Variants in NPHP3 observed in about 807,000 individuals in gnomAD.
NPHP3 encodes nephrocystin 3, also known as nephrocystin-3.
NPHP3 carries 123 observed loss-of-function variants against 171.9 expected under a neutral mutation model. The ratio of observed to expected loss-of-function variants is 0.72; its 90% CI spans 0.62 to 0.83. The LOEUF is 0.83. Ranked by LOEUF, NPHP3 falls within the 40% of genes least tolerant of loss-of-function variation. The pLI is 0.00. For missense variants in NPHP3, 1,506 were observed against 1,591.9 expected, an observed-to-expected ratio of 0.95 and a Z score of 0.92; for synonymous variants, 558 against 579.2, an observed-to-expected ratio of 0.96 and a Z score of 0.52.
chr3:132,685,876 C>G (rs917156915), intron 23 of NPHP3: 2 of 257,498 alleles, frequency 7.8e-6, no homozygotes, highest in Admixed American at 9.9e-5. Context: ...ACAGTGAAAC[C>G]CTGTCTCTAC....
In NPHP3 at chr3:132,719,715, C is replaced by G. The variant is rs1197867314; in HGVS notation, c.509G>C (p.Arg170Thr). The change falls in exon 2 of 27, where the codon AGG becomes ACG. Residue 170 changes from arginine to threonine, a missense_variant. Coordinates refer to ENST00000337331, the MANE Select transcript of NPHP3 (RefSeq NM_153240.5). ...ATGTAAGGAATTTACCTTGAATTGC[C>G]TTTTAACTTTATCTCTGTCATGTTC... ...TFEHDRDKVK[R>T]QFKIFRETKE... The G allele has an allele frequency of 6.4e-7, 1 of 1,556,320 alleles. No individual in the cohort carries two copies. The highest frequency in any genetic ancestry group is 1.3e-5 in the South Asian group (1 of 79,326).
intron 6 of NPHP3, among the ~76,000 whole-genome samples, chr3:132,711,056 C>T (rs983099925): frequency 4.6e-5 from 7 of 152,246 alleles, no homozygotes; most frequent in East Asian, 1.9e-4. Flanking sequence ...ATACCATCTG[C>T]ACACAGGGAA....
chr3:132,696,197 C>T (rs1189187609), intron 15 of NPHP3, among the ~76,000 whole-genome samples: 1 of 151,208 alleles, frequency 6.6e-6, no homozygotes, highest in Non-Finnish European at 1.5e-5. Flanking sequence ...AGTAGTAAAA[C>T]ATTCTAACGG....
chr3:132,706,671 T>C (rs1435429701), intron 7 of NPHP3, among the ~76,000 whole-genome samples: 1 of 152,172 alleles, frequency 6.6e-6, no homozygotes, highest in African/African-American at 2.4e-5. Context: ...TGAACAAGCA[T>C]GGAGATTTAC....
At chr3:132,700,485 A>C in intron 10 of NPHP3, 37 bp from the exon 11 acceptor site, 1 of 1,279,826 alleles carries the variant, frequency 7.8e-7, no homozygotes, top group East Asian at 2.3e-5. Flanking sequence ...AAAACCGATA[A>C]AGTTCCTTGA....
chr3:132,681,608 T>G lies in NPHP3; in HGVS notation c.*302A>C. On this transcript the variant is annotated 3_prime_UTR_variant, in exon 27 of 27. Transcript: ENST00000337331. ...TTTGAACTCCTTGTCTTAACTACTC[T>G]GCCAGCTCTTGTTGAACAAAGACCA... 2.8e-6 allele frequency: 1 copy of G among 354,070 alleles called. No individual in the cohort carries two copies. The allele number at this position is 354,070 out of a possible 1,614,324, so 21.9% of individuals were successfully genotyped here. A position where few individuals can be genotyped will look rare whatever the true frequency, so the allele number is the denominator to read the frequency against.
Position 132,708,205 on chromosome 3 carries a change from G to GT in NPHP3, c.1170dup (p.Pro391ThrfsTer16). The GT allele has an allele frequency of 6.2e-7, 1 of 1,614,030 alleles. No homozygotes were observed. The highest frequency in any genetic ancestry group is 8.5e-7 in the Non-Finnish European group (1 of 1,179,894). On this transcript the variant is annotated frameshift_variant, in exon 7 of 27. Coordinates refer to ENST00000337331, the MANE Select transcript of NPHP3 (RefSeq NM_153240.5). LOFTEE classifies it high-confidence loss of function. ...TCCAAACGATGAAAGATTAATCGAG[G>GT]TTTTCCTTCAGGGTTTTTCAGAAAA...
intron 10 of NPHP3, 89 bp downstream of exon 10, chr3:132,701,341 C>T (rs749903151): frequency 1.4e-4 from 119 of 875,574 alleles, no homozygotes; most frequent in Non-Finnish European, 1.8e-4. Flanking sequence ...GTGTAGGCCG[C>T]GCAGGAAGGC....
chr3:132,719,035 G>A lies in NPHP3; in HGVS notation c.629C>T (p.Pro210Leu). 6.2e-7 allele frequency: 1 copy of A among 1,614,050 alleles called. No homozygotes were observed. Among genetic ancestry groups the A allele is most frequent in the Non-Finnish European group, 8.5e-7 (1 of 1,179,988 alleles). Reference protein sequence around the residue: ...LQAQGIQVFDPGESDSDDNCT... With the variant: ...LQAQGIQVFDLGESDSDDNCT... ...GTTGTCATCTGAATCAGACTCCCCA[G>A]GATCAAATACTTGGATACCCTGAGC... The change falls in exon 3 of 27, where the codon CCT (proline) becomes CTT (leucine). Residue 210 changes from proline (P) to leucine (L), a missense_variant. Pro to Leu is a moderately conservative substitution (Grantham distance 98). This residue lies in a region of NPHP3 where 930 missense variants were observed against 924.9 expected (regional missense o/e 1.01). Transcript: ENST00000337331.
intron 19 of NPHP3, 54 bp from the exon 20 acceptor site, chr3:132,689,317 C>G: frequency 6.4e-7 from 1 of 1,567,872 alleles, no homozygotes; most frequent in Non-Finnish European, 8.8e-7. Flanking sequence ...AAATCCATTA[C>G]AGAATCAAAA....
intron 1 of NPHP3, 174 bp downstream of exon 1, chr3:132,721,789 A>G: frequency 1.1e-6 from 1 of 881,510 alleles, no homozygotes; most frequent in Non-Finnish European, 1.8e-6. Context: ...CTCCAAAAAA[A>G]GAGACAGAAA....
Position 132,692,820 on chromosome 3 carries a change from T to C in NPHP3, c.2311-2A>G, listed in dbSNP as rs1332659264. The C allele has an allele frequency of 1.2e-6, 2 of 1,613,456 alleles. No homozygotes were observed. The highest frequency in any genetic ancestry group is 1.7e-6 in the Non-Finnish European group (2 of 1,179,554). On this transcript the variant is annotated splice_acceptor_variant, in intron 16 of 26. Coordinates refer to ENST00000337331, the MANE Select transcript of NPHP3 (RefSeq NM_153240.5). LOFTEE classifies it high-confidence loss of function. ...ACTAACATTGACAAGGCAGAGGATCTAGGTAGAAAAACAAATTAACAGTAA... is the reference window on the plus strand; with the variant it reads ...ACTAACATTGACAAGGCAGAGGATCCAGGTAGAAAAACAAATTAACAGTAA...
At chr3:132,685,576 TATAA>T (rs1261784182) in intron 23 of NPHP3, 2 of 152,210 alleles carry the variant, frequency 1.3e-5, no homozygotes, top group African/African-American at 2.4e-5. Context: ...AACATATAAA[TATAA>T]ATGTCATTTT....
chr3:132,693,240 G>C (rs1489383104), intron 16 of NPHP3: 3 of 202,558 alleles, frequency 1.5e-5, no homozygotes, highest in African/African-American at 7.2e-5. Flanking sequence ...AAAATGAATA[G>C]GAAATTGAAG....
chr3:132,703,763 A>G (rs766772320), intron 9 of NPHP3, among the ~76,000 whole-genome samples: 2 of 151,886 alleles, frequency 1.3e-5, no homozygotes, highest in Non-Finnish European at 2.9e-5. Context: ...TATTTTTTGT[A>G]AAAACAAGGT....
intron 13 of NPHP3, 101 bp downstream of exon 13, chr3:132,699,252 A>C: frequency 2.5e-6 from 2 of 786,212 alleles, no homozygotes; most frequent in Non-Finnish European, 4.3e-6. Flanking sequence ...ACTGCAAGTT[A>C]CATAAAAAAT....
At chr3:132,714,435 A>AGCT (rs1351364008) in intron 5 of NPHP3, among the ~76,000 whole-genome samples, 1 of 152,200 alleles carries the variant, frequency 6.6e-6, no homozygotes, top group African/African-American at 2.4e-5. Context: ...TCAAGGATAG[A>AGCT]GCTGGAAGAG....
intron 23 of NPHP3, 161 bp downstream of exon 23, chr3:132,686,099 G>T (rs1939155079): frequency 1.5e-6 from 1 of 669,654 alleles, no homozygotes; most frequent in African/African-American, 1.8e-5. Flanking sequence ...AAATGCCATG[G>T]TCTTTAGGTA....
intron 8 of NPHP3, among the ~76,000 whole-genome samples, chr3:132,705,316 T>C (rs1370691713): frequency 6.6e-6 from 1 of 152,138 alleles, no homozygotes; most frequent in Non-Finnish European, 1.5e-5. Flanking sequence ...CCCTGGTCCA[T>C]GTTCTCACCC....
Sources: allele counts gnomAD v4.1 joint callset (sites outside exome capture counted in the v4.1 genomes callset), GRCh38; gene constraint gnomAD v4.1.1; regional missense constraint gnomAD v4.1.1; transcripts MANE v1.5; gene names NCBI Gene and HGNC (gene_info 2026-07-23, HGNC 2026-07-21).